COL16A1: variants seen among roughly 807,000 people sequenced by gnomAD.
COL16A1 encodes the protein collagen type XVI alpha 1 chain.
Under a neutral mutation model 266.3 loss-of-function variants are expected in COL16A1, and 189 were observed. That is an observed-to-expected ratio of 0.71 (90% CI 0.63 to 0.80). COL16A1 has a LOEUF of 0.80. Among genes scored for constraint, COL16A1 ranks in the 30% least tolerant of loss-of-function variants. COL16A1 has a pLI of 0.00. For synonymous variants in COL16A1, 740 were observed against 782.3 expected (o/e 0.95, Z 0.90); for missense variants, 1,928 against 2,122.4 (o/e 0.91, Z 1.80).
rs1643915724 is a variant in COL16A1 at position 31,685,357 on chromosome 1, CAA to C, written c.2016+280_2016+281del. ...AGAGGTGGAGAGAAGGTGACTTGCT[CAA>C]GTCAAAGACTTAGTAAGAAGCAAAG... On this transcript the variant is annotated intron_variant, in intron 29 of 70. Transcript: ENST00000373672. The surrounding 1 kb of genome is among the most constrained non-coding windows in gnomAD (Gnocchi z 4.0). Among the ~76,000 whole-genome samples, 1 of 152,198 alleles carries C rather than the reference CAA, an allele frequency of 6.6e-6. No homozygotes were observed. The highest frequency in any genetic ancestry group is 1.5e-5 in the Non-Finnish European group (1 of 68,024).
Position 31,684,594 on chromosome 1 carries a change from C to T in COL16A1, c.2089G>A (p.Gly697Ser), listed in dbSNP as rs370348875. 7.4e-6 allele frequency: 12 copies of T among 1,613,732 alleles called. No individual in the cohort carries two copies. Among genetic ancestry groups the T allele is most frequent in the Non-Finnish European group, 9.3e-6 (11 of 1,180,004 alleles). ...GACAGTCCTGGCCGCCCTGTGGTGC[C>T]CGGCGTTCCAGGGTCTCCAGGATTC... ...AGNPGDPGTP[G>S]TTGRPGLSGE... The change falls in exon 31 of 71, where the codon GGC (glycine) becomes AGC (serine). Residue 697 changes from glycine (G) to serine (S), a missense_variant. Physicochemically the swap from Gly to Ser is moderately conservative, Grantham distance 56. Around this residue, in one of 2 missense-constraint regions of COL16A1, gnomAD observed 1,552 missense variants for 1,637.2 expected, o/e 0.95. Transcript: ENST00000373672.
intron 9 of COL16A1, 31 bp from the exon 10 acceptor site, chr1:31,695,818 G>A (rs747445840): frequency 6.2e-6 from 10 of 1,605,224 alleles, no homozygotes; most frequent in Non-Finnish European, 8.5e-6. Flanking sequence ...GTGGGAATGG[G>A]CAGGGAGCTC....
Position 31,656,531 on chromosome 1 carries a change from C to T in COL16A1, c.4057-87G>A, listed in dbSNP as rs972933774. On this transcript the variant is annotated intron_variant, in intron 65 of 70. Coordinates refer to ENST00000373672, the MANE Select transcript of COL16A1 (RefSeq NM_001856.4). The surrounding 1 kb of genome is among the most constrained non-coding windows in gnomAD (Gnocchi z 4.2). ...GCAGGTGCAGTGAAGAGGCCCCTTC[C>T]ACAGCCTGAGGCCCCCAGGTGTGTC... 6.4e-7 allele frequency: 1 copy of T among 1,555,716 alleles called. No individual in the cohort carries two copies. The highest frequency in any genetic ancestry group is 2.0e-5 in the Admixed American group (1 of 50,164).
At position 31,683,744 on chromosome 1, in the gene COL16A1, T is replaced by C. The variant is rs1643818457; in HGVS notation, c.2342A>G (p.Glu781Gly). Residue 781 changes from glutamate (E) to glycine (G), a missense_variant, in exon 34 of 71, where the codon GAG becomes GGG. By Grantham distance (98) the Glu-to-Gly change is moderately conservative. Coordinates refer to ENST00000373672, the MANE Select transcript of COL16A1 (RefSeq NM_001856.4). The stretch of plus-strand genomic sequence containing the variant: ...GACTCCCCTTCCTGGAGGCCCTGGC[T>C]CTCCCTGAAGAGGCAGAAGGACAGT... Reference protein sequence around the residue: ...GPPGLKGVQGEPGPPGRGVQG... With the variant: ...GPPGLKGVQGGPGPPGRGVQG... 6.2e-7 allele frequency: 1 copy of C among 1,613,898 alleles called. No individual in the cohort carries two copies.
In COL16A1 at chr1:31,667,572, C is replaced by T; in HGVS notation, c.3357+3G>A. ...CATCCAGCCCCACGCCGCTGGGACT[C>T]ACCGGCTCTCCTTTCTCTCCCGCTG... On this transcript the variant is annotated splice_donor_region_variant and intron_variant, in intron 52 of 70. Coordinates refer to ENST00000373672, the MANE Select transcript of COL16A1 (RefSeq NM_001856.4). The T allele has an allele frequency of 6.3e-7, 1 of 1,594,404 alleles. No homozygotes were observed. The highest frequency in any genetic ancestry group is 8.5e-7 in the Non-Finnish European group (1 of 1,171,322).
At position 31,662,577 on chromosome 1, in the gene COL16A1, A is replaced by G; in HGVS notation, c.3627+10T>C. The stretch of plus-strand genomic sequence containing the variant: ...CACACGTCTGCCACGCTGAAAGGGC[A>G]CACACTCACCTGAATCCCAGGAGGT... On this transcript the variant is annotated intron_variant, in intron 57 of 70. Transcript: ENST00000373672. The G allele has an allele frequency of 6.4e-7, 1 of 1,564,484 alleles. No homozygotes were observed. Among genetic ancestry groups the G allele is most frequent in the South Asian group, 1.2e-5 (1 of 85,036 alleles).
Position 31,686,291 on chromosome 1 carries a change from C to T in COL16A1, c.1804-12G>A. On this transcript the variant is annotated splice_polypyrimidine_tract_variant and intron_variant, in intron 26 of 70. Coordinates refer to ENST00000373672, the MANE Select transcript of COL16A1 (RefSeq NM_001856.4). ...TCCCCGAAGTTACCCTGAGAGAAAGCACAGAAACCATGATTAAAGAGGGGA... is the reference window on the plus strand; with the variant it reads ...TCCCCGAAGTTACCCTGAGAGAAAGTACAGAAACCATGATTAAAGAGGGGA... 1 of 1,614,230 alleles carries T rather than the reference C, an allele frequency of 6.2e-7. No individual in the cohort carries two copies. Among genetic ancestry groups the T allele is most frequent in the Non-Finnish European group, 8.5e-7 (1 of 1,180,048 alleles).
intron 60 of COL16A1, 29 bp downstream of exon 60, chr1:31,661,385 C>A: frequency 2.5e-6 from 4 of 1,613,930 alleles, no homozygotes; most frequent in South Asian, 1.1e-5. Context: ...GCAGAGATAA[C>A]CTGCTTGGCA....
rs1641305562 is a variant in COL16A1 at position 31,657,911 on chromosome 1, C to G, written c.4020+577G>C. ...GCTCTTCCACTCACTAGCTATGTGACTCCGAGCAACCTGCCTAACCTTGCG... is the reference window on the plus strand; with the variant it reads ...GCTCTTCCACTCACTAGCTATGTGAGTCCGAGCAACCTGCCTAACCTTGCG... On this transcript the variant is annotated intron_variant, in intron 64 of 70. Transcript: ENST00000373672. This position sits in a 1 kb window ranked among gnomAD's most constrained non-coding sequence, Gnocchi z 6.4. Among the ~76,000 whole-genome samples, 1 of 152,230 alleles carries G rather than the reference C, an allele frequency of 6.6e-6. No individual in the cohort carries two copies. The highest frequency in any genetic ancestry group is 1.5e-5 in the Non-Finnish European group (1 of 68,040).
intron 42 of COL16A1, among the ~76,000 whole-genome samples, chr1:31,678,330 C>T (rs1364120890): frequency 6.6e-6 from 1 of 152,212 alleles, no homozygotes; most frequent in South Asian, 2.1e-4. Flanking sequence ...GCCAGACACA[C>T]GGACAGTGGT....
chr1:31,659,405 A>C (rs1428288879), intron 62 of COL16A1, among the ~76,000 whole-genome samples: 1 of 152,162 alleles, frequency 6.6e-6, no homozygotes, highest in Non-Finnish European at 1.5e-5. Flanking sequence ...GGGGCTTGGC[A>C]CTGACCCCGA....
chr1:31,699,110 C>G (rs1238071946), intron 4 of COL16A1, among the ~76,000 whole-genome samples: 1 of 149,122 alleles, frequency 6.7e-6, no homozygotes, highest in African/African-American at 2.5e-5. Context: ...GAAAACCAAC[C>G]AACCAACCAA....
At position 31,657,083 on chromosome 1, in the gene COL16A1, G is replaced by T. The variant is rs536655889; in HGVS notation, c.4021-15C>A. The T allele has an allele frequency of 1.9e-6, 3 of 1,614,194 alleles. No individual in the cohort carries two copies. Among genetic ancestry groups the T allele is most frequent in the Admixed American group, 3.3e-5 (2 of 60,032 alleles). ...CCAGGTTCGCCCTGGGGAGTAGAGA[G>T]CAATGGAGACATGAGGAGCTCCAAC... On this transcript the variant is annotated splice_polypyrimidine_tract_variant and intron_variant, in intron 64 of 70. Transcript: ENST00000373672. This position sits in a 1 kb window ranked among gnomAD's most constrained non-coding sequence, Gnocchi z 6.4.
rs763911595 is a variant in COL16A1, at chr1:31,691,191, G to A, written c.1434C>T (p.Asp478=). The A allele has an allele frequency of 1.9e-6, 3 of 1,613,932 alleles. No homozygotes were observed. The highest frequency in any genetic ancestry group is 2.5e-6 in the Non-Finnish European group (3 of 1,179,902). Residue 478 remains aspartate (D), a synonymous_variant, in exon 20 of 71, where the codon GAC becomes GAT. Coordinates refer to ENST00000373672, the MANE Select transcript of COL16A1 (RefSeq NM_001856.4). ...DPGGPPGPKG[D]KGSSGIPGKE... Reference sequence around the variant, plus strand: ...CCACACTCCCACCTATGCTCACCTTGTCTCCCTTGGGGCCTGGTGGGCCAC... The same window carrying A: ...CCACACTCCCACCTATGCTCACCTTATCTCCCTTGGGGCCTGGTGGGCCAC...
chr1:31,691,684 G>A (rs768077443), intron 17 of COL16A1, 42 bp from the exon 18 acceptor site: 1 of 1,593,006 alleles, frequency 6.3e-7, no homozygotes, highest in Admixed American at 1.7e-5. Context: ...CAGCCCTGAG[G>A]CCTGGCACCG....
Position 31,670,434 on chromosome 1 carries a change from T to G in COL16A1, c.3195+168A>C. ...AAAGGAGTCAGAGACTGGGAGGATG[T>G]CCAAGCTGCCGGGACCTCAGAGAAC... On this transcript the variant is annotated intron_variant, in intron 49 of 70. Transcript: ENST00000373672. The surrounding 1 kb of genome is among the most constrained non-coding windows in gnomAD (Gnocchi z 4.5). The G allele has an allele frequency of 6.2e-6, 5 of 804,406 alleles. No individual in the cohort carries two copies. Among genetic ancestry groups the G allele is most frequent in the Non-Finnish European group, 8.7e-6 (5 of 571,612 alleles). The allele number at this position is 804,406 out of a possible 1,614,324, so 49.8% of individuals were successfully genotyped here. A position where few individuals can be genotyped will look rare whatever the true frequency, so the allele number is the denominator to read the frequency against.
At chr1:31,703,573 G>A (rs1228434787) in intron 1 of COL16A1, among the ~76,000 whole-genome samples, 1 of 152,146 alleles carries the variant, frequency 6.6e-6, no homozygotes, top group Non-Finnish European at 1.5e-5. Context: ...GTCTCTGGTC[G>A]CCACTCCTCA....
In COL16A1 at chr1:31,691,652, G is replaced by T. The variant is rs1197655638; in HGVS notation, c.1258-10C>A. ...TCTCTCCTGGCCGGCCCTGTGGGGG[G>T]ATAAGGGGGAGGGTGTACAAACAGC... On this transcript the variant is annotated splice_polypyrimidine_tract_variant and intron_variant, in intron 17 of 70. Coordinates refer to ENST00000373672, the MANE Select transcript of COL16A1 (RefSeq NM_001856.4). The T allele has an allele frequency of 3.1e-6, 5 of 1,612,716 alleles. No homozygotes were observed. In the African/African-American group the frequency reaches 4.0e-5, roughly 13 times the overall value.
At chr1:31,667,190 A>G (rs1642212581) in intron 52 of COL16A1, among the ~76,000 whole-genome samples, 1 of 152,196 alleles carries the variant, frequency 6.6e-6, no homozygotes, top group South Asian at 2.1e-4. Flanking sequence ...GGTGAGTCTC[A>G]GCTTTGTCAC....
Sources: allele counts gnomAD v4.1 joint callset (sites outside exome capture counted in the v4.1 genomes callset), GRCh38; gene constraint gnomAD v4.1.1; regional missense constraint gnomAD v4.1.1; non-coding constraint Gnocchi (gnomAD v3.1); transcripts MANE v1.5; gene names NCBI Gene and HGNC (gene_info 2026-07-23, HGNC 2026-07-21).